The following SLC12A3 variants were observed in gnomAD, a reference collection of about 807,000 sequenced individuals.
SLC12A3 encodes the protein Na-Cl cotransporter.
In SLC12A3, 104 loss-of-function variants were observed where a neutral mutation model predicts 121.0. The ratio of observed to expected loss-of-function variants is 0.86; its 90% CI spans 0.73 to 1.01. The LOEUF is 1.01. SLC12A3 is among the 50% of genes least tolerant of loss of function. The probability of loss-of-function intolerance (pLI) is 0.00; values close to 1 mark genes in which losing one functional copy is unlikely to be tolerated. For missense variants in SLC12A3, 1,328 were observed against 1,356.3 expected (o/e 0.98, Z 0.33); for synonymous variants, 536 against 533.4 (o/e 1.00, Z -0.07).
intron 22 of SLC12A3, among the ~76,000 whole-genome samples, chr16:56,898,152 G>A (rs1168468280): frequency 6.6e-6 from 1 of 152,250 alleles, no homozygotes; most frequent in Non-Finnish European, 1.5e-5. Context: ...ATCACCTGGG[G>A]CATTACCAAA....
At chr16:56,885,547 C>T (rs2055299350) in intron 15 of SLC12A3, among the ~76,000 whole-genome samples, 183 bp downstream of exon 15, 1 of 152,166 alleles carries the variant, frequency 6.6e-6, no homozygotes, top group Non-Finnish European at 1.5e-5. Flanking sequence ...TGGACATATC[C>T]TGATGGGGAC....
chr16:56,908,795 G>A (rs1206270524), intron 25 of SLC12A3, among the ~76,000 whole-genome samples: 1 of 152,210 alleles, frequency 6.6e-6, no homozygotes, highest in Non-Finnish European at 1.5e-5. Context: ...AATGTTCCTA[G>A]GACAAGATTG....
At chr16:56,886,848 G>A in intron 16 of SLC12A3, 105 bp from the exon 17 acceptor site, 1 of 1,492,946 alleles carries the variant, frequency 6.7e-7, no homozygotes, top group Non-Finnish European at 9.2e-7. Context: ...GGGCACCGTG[G>A]GTGCTGCCAA....
Position 56,880,175 on chromosome 16 carries a change from A to T in SLC12A3, c.1489A>T (p.Lys497Ter), listed in dbSNP as rs746818109. ...QLYPLIGFFG[K>*]GYGKNKEPVR... ...GTACCCACTGATCGGCTTCTTCGGCAAAGGCTATGGCAAGAACAAGGAGCC... is the reference window on the plus strand; with the variant it reads ...GTACCCACTGATCGGCTTCTTCGGCTAAGGCTATGGCAAGAACAAGGAGCC... The change falls in exon 12 of 26, where the codon AAA becomes TAA. Residue 497 changes from lysine (K) to a stop codon, truncating the protein, a stop_gained. Coordinates refer to ENST00000563236, the MANE Select transcript of SLC12A3 (RefSeq NM_001126108.2). LOFTEE classifies it high-confidence loss of function. The T allele has an allele frequency of 8.7e-6, 14 of 1,604,938 alleles. No individual in the cohort carries two copies. Among genetic ancestry groups the T allele is most frequent in the Non-Finnish European group, 1.2e-5 (14 of 1,176,718 alleles).
At chr16:56,882,740 TGTGACCAGCCTGGCCAACATG>T (rs560506206) in intron 13 of SLC12A3, among the ~76,000 whole-genome samples, 1 of 152,072 alleles carries the variant, frequency 6.6e-6, no homozygotes, top group Admixed American at 6.5e-5. Flanking sequence ...GTCAGGAGTT[TGTGACCAGCCTGGCCAACATG>T]GTGAAACCCT....
At position 56,879,745 on chromosome 16, in the gene SLC12A3, G is replaced by A. The variant is rs1036543804; in HGVS notation, c.1443+96G>A. 13 of 880,742 alleles carry A rather than the reference G, an allele frequency of 1.5e-5. No individual in the cohort carries two copies. In the East Asian group the frequency reaches 3.3e-4, roughly 22 times the overall value. The allele number at this position is 880,742 out of a possible 1,614,324, so 54.6% of individuals were successfully genotyped here. A position where few individuals can be genotyped will look rare whatever the true frequency, so the allele number is the denominator to read the frequency against. ...CCCTGGGTGACTGCTACAAACACCT[G>A]AAGGTGTCATTAGACTGGGGTCTCT... On this transcript the variant is annotated intron_variant, in intron 11 of 25. Coordinates refer to ENST00000563236, the MANE Select transcript of SLC12A3 (RefSeq NM_001126108.2).
At position 56,912,417 on chromosome 16, in the gene SLC12A3, T is replaced by C. The variant is rs79198668; in HGVS notation, c.2925-847T>C. On this transcript the variant is annotated intron_variant, in intron 25 of 25. Transcript: ENST00000563236. The stretch of plus-strand genomic sequence containing the variant: ...ACAGTTAAGACAAGGGGCCTCCCCA[T>C]AGGCAGCGGTGGAGTCTTGCTCCCA... Among the ~76,000 whole-genome samples, 361 of 152,286 alleles carry C rather than the reference T, an allele frequency of 2.4e-3. 2 individuals are homozygous for C. The East Asian group carries it at 0.036, about 15-fold the overall frequency.
intron 25 of SLC12A3, among the ~76,000 whole-genome samples, chr16:56,909,735 A>C (rs2055658776): frequency 6.6e-6 from 1 of 152,062 alleles, no homozygotes. Context: ...TGAAAAATGC[A>C]AGTTCCTCAG....
chr16:56,878,021 T>TGCCGGGCCCCCC, intron 8 of SLC12A3, 56 bp from the exon 9 acceptor site: 1 of 665,484 alleles, frequency 1.5e-6, no homozygotes, highest in Non-Finnish European at 2.4e-6. Context: ...ATGTCCTCCG[T>TGCCGGGCCCCCC]CCCTCCCTCC....
intron 20 of SLC12A3, 104 bp downstream of exon 20, chr16:56,892,237 C>A (rs2055398287): frequency 1.9e-6 from 2 of 1,028,804 alleles, no homozygotes; most frequent in Non-Finnish European, 3.1e-6. Context: ...GGAACTTGGT[C>A]GAGGACAGGT....
Position 56,879,656 on chromosome 16 carries a change from C to T in SLC12A3, c.1443+7C>T. 6.2e-7 allele frequency: 1 copy of T among 1,605,398 alleles called. No individual in the cohort carries two copies. On this transcript the variant is annotated splice_region_variant and intron_variant, in intron 11 of 25. Transcript: ENST00000563236. Reference sequence around the variant, plus strand: ...TGCTGCCAAAGTCTTCCAGGTGAGGCCGCAGAAAGGGGTCGAGATGACAGG... The same window carrying T: ...TGCTGCCAAAGTCTTCCAGGTGAGGTCGCAGAAAGGGGTCGAGATGACAGG...
intron 9 of SLC12A3, 23 bp from the exon 10 acceptor site, chr16:56,879,050 C>T (rs2055201292): frequency 6.3e-7 from 1 of 1,594,500 alleles, no homozygotes; most frequent in African/African-American, 1.3e-5. Context: ...CAGACCTCCC[C>T]ATGCTCTCCT....
In SLC12A3 at chr16:56,881,447, G is replaced by T. The variant is rs28437122; in HGVS notation, c.1568-949G>T. Among the ~76,000 whole-genome samples, 526 of 152,224 alleles carry T rather than the reference G, an allele frequency of 3.5e-3. 2 individuals carry two copies. Among genetic ancestry groups the T allele is most frequent in the Middle Eastern group, 0.01 (3 of 294 alleles). On this transcript the variant is annotated intron_variant, in intron 12 of 25. Transcript: ENST00000563236. ...GCAGATTCGATGTCCTTTCATCTGG[G>T]GGGGGGTCTGACTTGACTTCAGACT...
chr16:56,873,682 C>T (rs1298053005), intron 8 of SLC12A3, among the ~76,000 whole-genome samples: 2 of 148,268 alleles, frequency 1.3e-5, no homozygotes, highest in Non-Finnish European at 3.0e-5. Flanking sequence ...GCCACCATGC[C>T]TAGCCTCTTT....
chr16:56,877,296 T>G (rs1446676689), intron 8 of SLC12A3, among the ~76,000 whole-genome samples: 3 of 151,766 alleles, frequency 2.0e-5, no homozygotes, highest in African/African-American at 7.3e-5. Context: ...CTTGGGAGGC[T>G]AAGGCAGGAG....
chr16:56,890,426 A>G, intron 19 of SLC12A3, 70 bp downstream of exon 19: 3 of 1,241,690 alleles, frequency 2.4e-6, no homozygotes, highest in Non-Finnish European at 3.5e-6. Context: ...GGCAGAGGGA[A>G]AAATGAGTAA....
At chr16:56,895,438 C>T (rs1224322194) in intron 22 of SLC12A3, among the ~76,000 whole-genome samples, 3 of 150,774 alleles carry the variant, frequency 2.0e-5, no homozygotes, top group African/African-American at 7.3e-5. Flanking sequence ...AAGTGATCCA[C>T]CCACCTCAGC....
intron 14 of SLC12A3, among the ~76,000 whole-genome samples, chr16:56,884,625 G>A (rs753955166): frequency 1.2e-4 from 18 of 152,226 alleles, no homozygotes; most frequent in Non-Finnish European, 2.4e-4. Context: ...GCTGCAGGCA[G>A]GGACCCTGGG....
In SLC12A3 at chr16:56,867,147, C is replaced by A; in HGVS notation, c.360C>A (p.Gly120=). The change falls in exon 2 of 26, where the codon GGC becomes GGA. Residue 120 remains glycine, a synonymous_variant. Coordinates refer to ENST00000563236, the MANE Select transcript of SLC12A3 (RefSeq NM_001126108.2). ...SHEMTDGLVE[G]EAGTSSEKNP... ...AGATGACTGATGGGCTGGTGGAGGG[C>A]GAGGCAGGCACCAGCAGCGAGAAGA... 6.2e-7 allele frequency: 1 copy of A among 1,613,922 alleles called. No homozygotes were observed. Among genetic ancestry groups the A allele is most frequent in the East Asian group, 2.2e-5 (1 of 44,866 alleles).
Sources: allele counts gnomAD v4.1 joint callset (sites outside exome capture counted in the v4.1 genomes callset), GRCh38; gene constraint gnomAD v4.1.1; transcripts MANE v1.5; gene names NCBI Gene and HGNC (gene_info 2026-07-23, HGNC 2026-07-21).